The following EXTL2 variants were observed in gnomAD, a reference collection of about 807,000 sequenced individuals.
The protein encoded by EXTL2 is exostosin like glycosyltransferase 2.
In EXTL2, 23 loss-of-function variants were observed where a neutral mutation model predicts 30.7. The ratio of observed to expected loss-of-function variants is 0.75; its 90% CI spans 0.54 to 1.06. The LOEUF (loss-of-function observed/expected upper bound fraction) is 1.06, where lower values mean the gene tolerates loss of function less well. Among genes scored for constraint, EXTL2 ranks in the 50% least tolerant of loss-of-function variants. The pLI, the probability that EXTL2 is intolerant of heterozygous loss-of-function variation, is 0.00. For missense variants in EXTL2, 352 were observed against 396.3 expected, an observed-to-expected ratio of 0.89 and a Z score of 0.95; for synonymous variants, 123 against 133.8, an observed-to-expected ratio of 0.92 and a Z score of 0.56.
intron 4 of EXTL2, among the ~76,000 whole-genome samples, chr1:100,876,280 G>A (rs1027424327): frequency 6.6e-6 from 1 of 151,966 alleles, no homozygotes; most frequent in Non-Finnish European, 1.5e-5. Flanking sequence ...TTCAAGCTAT[G>A]ATTTAGGAAA....
At chr1:100,882,336 G>GC (rs1283589697) in intron 2 of EXTL2, among the ~76,000 whole-genome samples, 1 of 152,224 alleles carries the variant, frequency 6.6e-6, no homozygotes, top group African/African-American at 2.4e-5. Flanking sequence ...GCACAGGACA[G>GC]CCCCCCATGG....
Position 100,877,944 on chromosome 1 carries a change from T to G in EXTL2, c.6-41A>C, listed in dbSNP as rs1649261193. 9.0e-6 allele frequency: 13 copies of G among 1,444,260 alleles called. No homozygotes were observed. The highest frequency in any genetic ancestry group is 1.1e-5 in the Non-Finnish European group (12 of 1,062,460). The allele number at this position is 1,444,260 out of a possible 1,614,324, so 89.5% of individuals were successfully genotyped here. A position where few individuals can be genotyped will look rare whatever the true frequency, so the allele number is the denominator to read the frequency against. On this transcript the variant is annotated intron_variant, in intron 2 of 4. Transcript: ENST00000370114. This position sits in a 1 kb window ranked among gnomAD's most constrained non-coding sequence, Gnocchi z 4.1. ...AAACAACATACAAATGTTAGCATTCTTACGAGTCCCTGTGTTTTCATGTTT... is the reference window on the plus strand; with the variant it reads ...AAACAACATACAAATGTTAGCATTCGTACGAGTCCCTGTGTTTTCATGTTT...
intron 2 of EXTL2, among the ~76,000 whole-genome samples, chr1:100,881,289 C>A (rs1649534452): frequency 6.6e-6 from 1 of 152,164 alleles, no homozygotes; most frequent in Non-Finnish European, 1.5e-5. Flanking sequence ...AGCTTCAGTA[C>A]AATTTGGAGA....
intron 1 of EXTL2, among the ~76,000 whole-genome samples, 160 bp downstream of exon 1, chr1:100,894,472 CA>C (rs1650707258): frequency 6.6e-6 from 1 of 152,174 alleles, no homozygotes; most frequent in African/African-American, 2.4e-5. Flanking sequence ...TTTTAATTAA[CA>C]TTTTTCAAAA....
rs1357897221 is a variant in EXTL2 at position 100,894,729 on chromosome 1, T to C, written c.-168A>G. On this transcript the variant is annotated 5_prime_UTR_variant, in exon 1 of 5. Coordinates refer to ENST00000370114, the MANE Select transcript of EXTL2 (RefSeq NM_001033025.3). ...GGGCGTCTCGTTTGCTCATTTTTGT[T>C]TTTTTTTCTAAACCAAGTAGCGTGC... 1 of 152,060 alleles carries C rather than the reference T, an allele frequency of 6.6e-6. No homozygotes were observed. Among genetic ancestry groups the C allele is most frequent in the Non-Finnish European group, 1.5e-5 (1 of 67,976 alleles). 9.4% of individuals were successfully genotyped at this position (152,060 alleles called of 1,614,324 possible). A position where few individuals can be genotyped will look rare whatever the true frequency, so the allele number is the denominator to read the frequency against.
At chr1:100,888,973 T>C (rs1040920461) in intron 1 of EXTL2, 145 bp from the exon 2 acceptor site, 5 of 414,908 alleles carry the variant, frequency 1.2e-5, no homozygotes, top group Non-Finnish European at 4.4e-6. Flanking sequence ...TTCTGTCTTC[T>C]AAAAATTATA....
At position 100,887,560 on chromosome 1, in the gene EXTL2, G is replaced by A. The variant is rs904979528; in HGVS notation, c.5+1193C>T. Among the ~76,000 whole-genome samples the A allele has an allele frequency of 2.6e-5, 4 of 152,248 alleles. No individual in the cohort carries two copies. The East Asian group carries it at 7.7e-4, about 29-fold the overall frequency. The stretch of plus-strand genomic sequence containing the variant: ...AATGTTTCAAATCTTTAGAAAGAAA[G>A]GAAATAAAGTGTATCCATCCCATTT... On this transcript the variant is annotated intron_variant, in intron 2 of 4. Transcript: ENST00000370114.
chr1:100,892,055 GT>G (rs1456148600), intron 1 of EXTL2, among the ~76,000 whole-genome samples: 2 of 152,202 alleles, frequency 1.3e-5, no homozygotes, highest in Non-Finnish European at 2.9e-5. Flanking sequence ...ATGTGTATGG[GT>G]TCAAGTTGAC....
At chr1:100,884,115 G>A (rs1649777101) in intron 2 of EXTL2, among the ~76,000 whole-genome samples, 2 of 152,182 alleles carry the variant, frequency 1.3e-5, no homozygotes, top group Non-Finnish European at 2.9e-5. Flanking sequence ...ACATGCCAGT[G>A]CACAGCATGA....
In EXTL2 at chr1:100,890,259, T is replaced by C. The variant is rs1361188884; in HGVS notation, c.-71-1431A>G. Among the ~76,000 whole-genome samples, 5 of 152,292 alleles carry C rather than the reference T, an allele frequency of 3.3e-5. No individual in the cohort carries two copies. The South Asian group carries it at 1.0e-3, about 32-fold the overall frequency. ...GCTGTATGTTGGCCCCTTTTAGCCA[T>C]GGCTGAGATGCAGGGCACCAAGTCC... On this transcript the variant is annotated intron_variant, in intron 1 of 4. Transcript: ENST00000370114.
chr1:100,894,114 C>G (rs1650648811), intron 1 of EXTL2, among the ~76,000 whole-genome samples: 1 of 152,160 alleles, frequency 6.6e-6, no homozygotes, highest in East Asian at 1.9e-4. Context: ...TAGGATTATG[C>G]TGGAAATCAG....
chr1:100,893,439 G>A (rs1423636876), intron 1 of EXTL2, among the ~76,000 whole-genome samples: 4 of 152,280 alleles, frequency 2.6e-5, no homozygotes, highest in South Asian at 4.1e-4. Context: ...TCTAAAAGAC[G>A]AGACTGATTT....
In EXTL2 at chr1:100,872,598, A is replaced by G. The variant is rs569271758; in HGVS notation, c.*1344T>C. On this transcript the variant is annotated 3_prime_UTR_variant, in exon 5 of 5. Transcript: ENST00000370114. ...CCATCATATGCGGAACTAAATGCAC[A>G]AAGACCTCATTATTGGAACATTAGC... The G allele has an allele frequency of 6.6e-6, 1 of 152,642 alleles. No homozygotes were observed. The highest frequency in any genetic ancestry group is 2.1e-4 in the South Asian group (1 of 4,826). 9.5% of individuals were successfully genotyped at this position (152,642 alleles called of 1,614,324 possible).
chr1:100,877,364 A>C lies in EXTL2; in HGVS notation c.433+112T>G. ...CTTTCCAAAGTGCTTTCTTAGGACT[A>C]ACTTCCTTCATTTTTCTCCAGACGG... On this transcript the variant is annotated intron_variant, in intron 3 of 4. Coordinates refer to ENST00000370114, the MANE Select transcript of EXTL2 (RefSeq NM_001033025.3). The surrounding 1 kb of genome is among the most constrained non-coding windows in gnomAD (Gnocchi z 4.1). 1 of 960,510 alleles carries C rather than the reference A, an allele frequency of 1.0e-6. No homozygotes were observed. The highest frequency in any genetic ancestry group is 1.5e-6 in the Non-Finnish European group (1 of 662,502). 59.5% of individuals were successfully genotyped at this position (960,510 alleles called of 1,614,324 possible). A position where few individuals can be genotyped will look rare whatever the true frequency, so the allele number is the denominator to read the frequency against.
Position 100,876,841 on chromosome 1 carries a change from TG to T in EXTL2, c.456del (p.Asp152GlufsTer24), listed in dbSNP as rs1458574130. On this transcript the variant is annotated frameshift_variant, in exon 4 of 5. Transcript: ENST00000370114. LOFTEE classifies it high-confidence loss of function. ...ACAAGGTCTGGGGTGCTGATGAGTG[TG>T]TCATCATCTACCATCAACACTGCTA... ...ETNAVLMVDD[D>X]TLISTPDLVF... 5 of 1,611,454 alleles carry T rather than the reference TG, an allele frequency of 3.1e-6. No individual in the cohort carries two copies. Among genetic ancestry groups the T allele is most frequent in the Non-Finnish European group, 4.2e-6 (5 of 1,177,996 alleles).
At chr1:100,886,552 G>C (rs970287062) in intron 2 of EXTL2, among the ~76,000 whole-genome samples, 1 of 152,142 alleles carries the variant, frequency 6.6e-6, no homozygotes, top group African/African-American at 2.4e-5. Flanking sequence ...ATCAGTTCTA[G>C]CATTTTCTAG....
rs1649220718 is a variant in EXTL2 at position 100,877,531 on chromosome 1, CTGT to C, written c.375_377del (p.Gln126del). On this transcript the variant is annotated inframe_deletion, in exon 3 of 5. Transcript: ENST00000370114. The surrounding 1 kb of genome is among the most constrained non-coding windows in gnomAD (Gnocchi z 4.1). ...GTCGATTTCTCATCCTGTTTGCTGT[CTGT>C]TGTTTGAAGATCACAGGGATAGGGT... is the stretch of plus-strand genomic sequence containing the variant. 1 of 1,611,962 alleles carries C rather than the reference CTGT, an allele frequency of 6.2e-7. No homozygotes were observed. The highest frequency in any genetic ancestry group is 8.5e-7 in the Non-Finnish European group (1 of 1,179,052).
intron 2 of EXTL2, among the ~76,000 whole-genome samples, chr1:100,882,677 C>T (rs1649653138): frequency 6.6e-6 from 1 of 152,162 alleles, no homozygotes. Context: ...AAAAAATCAG[C>T]CATCTGTAGT....
rs1648879685 is a variant in EXTL2, at chr1:100,873,840, T to C, written c.*102A>G. On this transcript the variant is annotated 3_prime_UTR_variant, in exon 5 of 5. Transcript: ENST00000370114. ...CTTTTTTTTCTATTGTAGAGACTTC[T>C]GGAGTAGATAAAATTCATGATGTTG... is the stretch of plus-strand genomic sequence containing the variant. The C allele has an allele frequency of 1.7e-6, 2 of 1,206,038 alleles. No individual in the cohort carries two copies. Among genetic ancestry groups the C allele is most frequent in the Admixed American group, 2.5e-5 (1 of 39,480 alleles). 74.7% of individuals were successfully genotyped at this position (1,206,038 alleles called of 1,614,324 possible). A position where few individuals can be genotyped will look rare whatever the true frequency, so the allele number is the denominator to read the frequency against.
Sources: allele counts gnomAD v4.1 joint callset (sites outside exome capture counted in the v4.1 genomes callset), GRCh38; gene constraint gnomAD v4.1.1; non-coding constraint Gnocchi (gnomAD v3.1); transcripts MANE v1.5; gene names NCBI Gene and HGNC (gene_info 2026-07-23, HGNC 2026-07-21).